CD109: variants seen among roughly 807,000 people sequenced by gnomAD.
The protein encoded by CD109 is CD109 molecule.
Under a neutral mutation model 165.8 loss-of-function variants are expected in CD109, and 149 were observed. That is an observed-to-expected ratio of 0.90 (90% CI 0.79 to 1.03). The LOEUF is 1.03. Among genes scored for constraint, CD109 ranks in the 50% least tolerant of loss-of-function variants. The pLI is 0.00. For synonymous variants in CD109, 585 were observed against 592.1 expected, an observed-to-expected ratio of 0.99 and a Z score of 0.18; for missense variants, 1,712 against 1,677.8, an observed-to-expected ratio of 1.02 and a Z score of -0.36.
intron 25 of CD109, 129 bp from the exon 26 acceptor site, chr6:73,807,953 CT>C: frequency 1.5e-6 from 1 of 685,176 alleles, no homozygotes; most frequent in Non-Finnish European, 2.4e-6. Flanking sequence ...TTTTCATTGC[CT>C]AGTACAAGGT....
chr6:73,795,901 T>C (rs1395270056), intron 23 of CD109, among the ~76,000 whole-genome samples: 2 of 152,190 alleles, frequency 1.3e-5, no homozygotes, highest in African/African-American at 4.8e-5. Flanking sequence ...GGTAGGGTTG[T>C]TTTGAGGAGT....
At chr6:73,729,033 G>T (rs1772245247) in intron 3 of CD109, among the ~76,000 whole-genome samples, 1 of 152,198 alleles carries the variant, frequency 6.6e-6, no homozygotes, top group South Asian at 2.1e-4. Flanking sequence ...AACACATTCT[G>T]TGAGGCAGCT....
chr6:73,793,548 G>A (rs1775046481), intron 23 of CD109, among the ~76,000 whole-genome samples: 1 of 152,214 alleles, frequency 6.6e-6, no homozygotes, highest in Non-Finnish European at 1.5e-5. Flanking sequence ...CTGAGGTGCA[G>A]AAAAGTTAGC....
At chr6:73,782,901 T>G (rs1774559877) in intron 18 of CD109, 146 bp downstream of exon 18, 1 of 650,154 alleles carries the variant, frequency 1.5e-6, no homozygotes. Flanking sequence ...AAATGATATT[T>G]ATTGAATCTA....
chr6:73,814,885 C>T, intron 29 of CD109, 96 bp from the exon 30 acceptor site: 1 of 741,186 alleles, frequency 1.3e-6, no homozygotes, highest in Admixed American at 4.0e-5. Flanking sequence ...TTACTGGGTC[C>T]ATCCAAAGAG....
intron 2 of CD109, among the ~76,000 whole-genome samples, chr6:73,714,674 G>A (rs913594427): frequency 5.9e-5 from 9 of 152,182 alleles, no homozygotes; most frequent in South Asian, 2.1e-4. Flanking sequence ...AAAGTCTTTC[G>A]TTTTTATATC....
intron 3 of CD109, among the ~76,000 whole-genome samples, chr6:73,726,003 A>T (rs1195897040): frequency 6.6e-6 from 1 of 152,228 alleles, no homozygotes; most frequent in Non-Finnish European, 1.5e-5. Flanking sequence ...AATAAAGTGT[A>T]TGGACAAATT....
At chr6:73,751,034 G>A (rs1773171323) in intron 5 of CD109, among the ~76,000 whole-genome samples, 1 of 152,044 alleles carries the variant, frequency 6.6e-6, no homozygotes, top group African/African-American at 2.4e-5. Flanking sequence ...GGTCTTCTTT[G>A]GTCTGGATGC....
chr6:73,696,199 A>G, upstream of CD109: 1 of 1,544,886 alleles, frequency 6.5e-7, no homozygotes, highest in Non-Finnish European at 8.7e-7. Flanking sequence ...ACTGTAGCCC[A>G]GGCAGACGCC....
intron 2 of CD109, among the ~76,000 whole-genome samples, chr6:73,702,310 T>TA (rs957429711): frequency 7.9e-5 from 12 of 152,340 alleles, no homozygotes; most frequent in Admixed American, 5.9e-4. Flanking sequence ...CTGAAAAACT[T>TA]AAAAAATCAT....
intron 27 of CD109, 84 bp downstream of exon 27, chr6:73,810,258 G>A: frequency 6.2e-6 from 2 of 322,524 alleles, no homozygotes; most frequent in Non-Finnish European, 1.0e-5. Context: ...ATAATATATA[G>A]TATATATTAT....
intron 5 of CD109, among the ~76,000 whole-genome samples, chr6:73,747,820 C>G (rs1203358464): frequency 6.6e-6 from 1 of 152,060 alleles, no homozygotes; most frequent in Non-Finnish European, 1.5e-5. Flanking sequence ...GCCTGACCAC[C>G]CATATTCAGG....
Position 73,823,535 on chromosome 6 carries a change from C to A in CD109, c.4240C>A (p.Arg1414Ser), listed in dbSNP as rs138417197. 2.5e-6 allele frequency: 4 copies of A among 1,613,844 alleles called. No individual in the cohort carries two copies. Among genetic ancestry groups the A allele is most frequent in the Non-Finnish European group, 2.5e-6 (3 of 1,179,946 alleles). ...CDLCSDVQGC[R>S]PCEDGASGSH... Reference sequence around the variant, plus strand: ...CCTTTGCAGTGATGTCCAGGGCTGCCGTCCTTGTGAGGATGGAGCTTCAGG... The same window carrying A: ...CCTTTGCAGTGATGTCCAGGGCTGCAGTCCTTGTGAGGATGGAGCTTCAGG... The change falls in exon 33 of 33, where the codon CGT (arginine) becomes AGT (serine). Residue 1414 changes from arginine to serine, a missense_variant. Arg to Ser is a moderately radical substitution (Grantham distance 110). Transcript: ENST00000287097.
chr6:73,762,887 G>A lies in CD109; in HGVS notation c.997+5G>A. Reference sequence around the variant, plus strand: ...CAGTGACAGAATCAGTTACAGGTTTGTAGACTTTAAAGTGGAGGTAAAACT... The same window carrying A: ...CAGTGACAGAATCAGTTACAGGTTTATAGACTTTAAAGTGGAGGTAAAACT... On this transcript the variant is annotated splice_donor_5th_base_variant and intron_variant, in intron 9 of 32. Coordinates refer to ENST00000287097, the MANE Select transcript of CD109 (RefSeq NM_133493.5). The A allele has an allele frequency of 6.2e-7, 1 of 1,601,654 alleles. No individual in the cohort carries two copies. The highest frequency in any genetic ancestry group is 8.5e-7 in the Non-Finnish European group (1 of 1,176,982).
chr6:73,787,907 C>T (rs897175003), intron 21 of CD109, among the ~76,000 whole-genome samples: 1 of 152,054 alleles, frequency 6.6e-6, no homozygotes, highest in Non-Finnish European at 1.5e-5. Context: ...TCAGCTCTGC[C>T]AAGTGTGATT....
At chr6:73,817,650 T>C (rs1775985240) in intron 30 of CD109, among the ~76,000 whole-genome samples, 1 of 152,202 alleles carries the variant, frequency 6.6e-6, no homozygotes, top group Admixed American at 6.5e-5. Flanking sequence ...TTAGCTGGGC[T>C]CCTTCTGCTC....
chr6:73,713,436 A>G (rs995563871), intron 2 of CD109, among the ~76,000 whole-genome samples: 1 of 151,722 alleles, frequency 6.6e-6, no homozygotes, highest in Non-Finnish European at 1.5e-5. Context: ...TTTTTTTAAT[A>G]GAGATGGGGT....
intron 5 of CD109, among the ~76,000 whole-genome samples, chr6:73,750,748 C>T (rs1773157825): frequency 6.6e-6 from 1 of 152,138 alleles, no homozygotes; most frequent in Non-Finnish European, 1.5e-5. Flanking sequence ...TTAACATATT[C>T]ATGCCCAGTT....
intron 20 of CD109, among the ~76,000 whole-genome samples, 162 bp from the exon 21 acceptor site, chr6:73,787,072 T>G (rs541626211): frequency 6.6e-6 from 1 of 152,226 alleles, no homozygotes; most frequent in East Asian, 1.9e-4. Context: ...GAAATGAAGT[T>G]TTTCCTGATA....
Sources: allele counts gnomAD v4.1 joint callset (sites outside exome capture counted in the v4.1 genomes callset), GRCh38; gene constraint gnomAD v4.1.1; transcripts MANE v1.5; gene names NCBI Gene and HGNC (gene_info 2026-07-23, HGNC 2026-07-21).